Variants in CEP72 observed in about 807,000 individuals in gnomAD.
The protein encoded by CEP72 is centrosomal protein of 72 kDa.
Under a neutral mutation model 65.7 loss-of-function variants are expected in CEP72, and 78 were observed. The ratio of observed to expected loss-of-function variants is 1.19; its 90% CI spans 0.99 to 1.43. The LOEUF is 1.43. CEP72 is among the 40% of genes most tolerant of loss of function. The pLI is 0.00. For missense variants in CEP72, 914 were observed against 832.9 expected (o/e 1.10, Z -1.20); for synonymous variants, 358 against 351.7 (o/e 1.02, Z -0.20).
chr5:665,430 C>G (rs985272312), intron 3 of CEP72: 2 of 806,732 alleles, frequency 2.5e-6, no homozygotes, highest in Non-Finnish European at 3.8e-6. Context: ...GGGATTTATG[C>G]CCCTTTTAAT....
rs183347935 is a variant in CEP72 at position 643,587 on chromosome 5, C to G, written c.1540-712C>G. 15 of 985,372 alleles carry G rather than the reference C, an allele frequency of 1.5e-5. No individual in the cohort carries two copies. The Admixed American group carries it at 8.6e-4, about 56-fold the overall frequency. The allele number at this position is 985,372 out of a possible 1,614,324, so 61.0% of individuals were successfully genotyped here. The stretch of plus-strand genomic sequence containing the variant: ...TGCTGCACAGACTCAGGCGCTCCCT[C>G]CCCTGGTGGCAGTGAGCTGGGGCCT... On this transcript the variant is annotated intron_variant, in intron 9 of 11. Transcript: ENST00000264935.
In CEP72 at chr5:641,326, CG is replaced by C. The variant is rs905557903; in HGVS notation, c.1539+725del. 9 of 985,412 alleles carry C rather than the reference CG, an allele frequency of 9.1e-6. No individual in the cohort carries two copies. The African/African-American group carries it at 1.6e-4, about 17-fold the overall frequency. The allele number at this position is 985,412 out of a possible 1,614,324, so 61.0% of individuals were successfully genotyped here. ...CCACACCCAGGCAGAAGCCGCCCTCCGGGAGTCCTGGTGTGAGGGCAGAGCC... is the reference window on the plus strand; with the variant it reads ...CCACACCCAGGCAGAAGCCGCCCTCCGGAGTCCTGGTGTGAGGGCAGAGCC... On this transcript the variant is annotated intron_variant, in intron 9 of 11. Transcript: ENST00000264935.
downstream of CEP72, among the ~76,000 whole-genome samples, chr5:668,350 C>T (rs533178899): frequency 2.5e-3 from 268 of 109,236 alleles, 2 homozygotes; most frequent in Non-Finnish European, 3.6e-3. Flanking sequence ...CAGGGAAGTG[C>T]GGACAAGCAC....
At chr5:650,043 C>T (rs867973431) in intron 11 of CEP72, among the ~76,000 whole-genome samples, 6 of 72,432 alleles carry the variant, frequency 8.3e-5, no homozygotes, top group Admixed American at 3.5e-4. Context: ...GACTGTGAGG[C>T]GTGGACTGTG....
rs1579929202 is a variant in CEP72, at chr5:619,612, T to C, written c.211-457T>C. Among the ~76,000 whole-genome samples, 3 of 152,328 alleles carry C rather than the reference T, an allele frequency of 2.0e-5. No homozygotes were observed. In the East Asian group the frequency reaches 5.8e-4, roughly 29 times the overall value. ...CCCTGAGCCTGGTGCCTGAGCATTATGGAGGCCACGTCTGACACCAGCTCG... is the reference window on the plus strand; with the variant it reads ...CCCTGAGCCTGGTGCCTGAGCATTACGGAGGCCACGTCTGACACCAGCTCG... On this transcript the variant is annotated intron_variant, in intron 2 of 11. Coordinates refer to ENST00000264935, the MANE Select transcript of CEP72 (RefSeq NM_018140.4).
chr5:642,816 G>A, intron 9 of CEP72: 1 of 985,450 alleles, frequency 1.0e-6, no homozygotes, highest in Non-Finnish European at 1.2e-6. Flanking sequence ...CTGCTTTCCA[G>A]GGAGGCCCAC....
intron 2 of CEP72, chr5:664,922 T>G: frequency 6.1e-6 from 4 of 654,210 alleles, no homozygotes; most frequent in African/African-American, 1.8e-5. Flanking sequence ...GAGAGGGGAG[T>G]GCTGGGGGCA....
chr5:627,764 G>A (rs1169461376), intron 4 of CEP72, among the ~76,000 whole-genome samples: 5 of 152,088 alleles, frequency 3.3e-5, no homozygotes, highest in Non-Finnish European at 5.9e-5. Context: ...CCACGTGGTT[G>A]GAAATGCTGT....
In CEP72 at chr5:633,778, C is replaced by T; in HGVS notation, c.522C>T (p.His174=). The change falls in exon 5 of 12, where the codon CAC becomes CAT. Residue 174 remains histidine, a synonymous_variant. Coordinates refer to ENST00000264935, the MANE Select transcript of CEP72 (RefSeq NM_018140.4). ...PASLKEGRPH[H]PRAKCTEALA... is the part of the protein sequence containing the mutation. ...TTGCTTTTCCTTACAGACCACACCA[C>T]CCCAGAGCCAAGTGCACCGAGGCCT... The T allele has an allele frequency of 6.2e-7, 1 of 1,614,028 alleles. No homozygotes were observed. The highest frequency in any genetic ancestry group is 8.5e-7 in the Non-Finnish European group (1 of 1,180,004).
intron 5 of CEP72, among the ~76,000 whole-genome samples, chr5:634,660 C>G (rs870571): frequency 6.6e-6 from 1 of 152,046 alleles, no homozygotes; most frequent in African/African-American, 2.4e-5. Flanking sequence ...AGATACTGGC[C>G]GTGCCTGTCT....
At chr5:666,183 C>A in intron 4 of CEP72, 1 of 1,575,596 alleles carries the variant, frequency 6.3e-7, no homozygotes. Context: ...GCCCTCCCCA[C>A]GCGTGGGTCT....
rs191839802 is a variant in CEP72 at position 653,111 on chromosome 5, T to G, written c.1902T>G (p.Phe634Leu). Residue 634 changes from phenylalanine (F) to leucine (L), a missense_variant, in exon 12 of 12, where the codon TTT becomes TTG. Transcript: ENST00000264935. ...YQELKKTMAL[F>L]PHSSASHGGC... Reference sequence around the variant, plus strand: ...AGCTCAAGAAGACCATGGCCCTGTTTCCACACAGCAGCGCCAGCCATGGAG... The same window carrying G: ...AGCTCAAGAAGACCATGGCCCTGTTGCCACACAGCAGCGCCAGCCATGGAG... 2.5e-6 allele frequency: 4 copies of G among 1,612,946 alleles called. No homozygotes were observed. Among genetic ancestry groups the G allele is most frequent in the East Asian group, 2.2e-5 (1 of 44,878 alleles).
chr5:651,480 A>T (rs952094727), intron 11 of CEP72, among the ~76,000 whole-genome samples: 1 of 151,954 alleles, frequency 6.6e-6, no homozygotes, highest in African/African-American at 2.4e-5. Context: ...ACGGCGGGGC[A>T]ACCTGGTTCC....
intron 1 of CEP72, among the ~76,000 whole-genome samples, chr5:614,260 C>T (rs1222450532): frequency 6.6e-6 from 1 of 151,740 alleles, no homozygotes; most frequent in Admixed American, 6.6e-5. Flanking sequence ...TTTCTAAATC[C>T]TTGAGGCAAA....
chr5:674,769 C>A, the CEP72 span, among the ~76,000 whole-genome samples: 1 of 151,858 alleles, frequency 6.6e-6, no homozygotes, highest in Non-Finnish European at 1.5e-5. Context: ...CAGGCAGAGG[C>A]TGCAGGTTTC....
intron 10 of CEP72, among the ~76,000 whole-genome samples, chr5:646,302 C>G (rs746396208): frequency 6.6e-6 from 1 of 152,182 alleles, no homozygotes; most frequent in African/African-American, 2.4e-5. Flanking sequence ...TTATGACTTA[C>G]GTTGTTTTTT....
At chr5:668,990 T>C (rs1740077996), downstream of CEP72, among the ~76,000 whole-genome samples, 1 of 152,128 alleles carries the variant, frequency 6.6e-6, no homozygotes, top group Non-Finnish European at 1.5e-5. Context: ...CCCATACACT[T>C]TACACGCGTG....
At chr5:671,396 T>G (rs1184523637), downstream of CEP72, among the ~76,000 whole-genome samples, 2 of 152,176 alleles carry the variant, frequency 1.3e-5, no homozygotes, top group East Asian at 3.9e-4. Context: ...GGGGCTCGGC[T>G]GCCTCCATCC....
chr5:626,789 C>G (rs1736787255), intron 4 of CEP72, among the ~76,000 whole-genome samples: 1 of 152,184 alleles, frequency 6.6e-6, no homozygotes, highest in African/African-American at 2.4e-5. Context: ...CCACTGCACT[C>G]TAACCTGGGT....
Sources: gnomAD v4.1 joint callset for allele counts (sites outside exome capture counted in the v4.1 genomes callset) on GRCh38, gnomAD v4.1.1 for gene constraint, MANE v1.5 for transcripts, NCBI Gene and HGNC (gene_info 2026-07-23, HGNC 2026-07-21) for gene names.